CCDC102B: variants seen among roughly 807,000 people sequenced by gnomAD.
CCDC102B encodes the protein coiled-coil domain containing 102B, also known as coiled-coil domain-containing protein 102B.
Under a neutral mutation model 57.4 loss-of-function variants are expected in CCDC102B, and 75 were observed. The ratio of observed to expected loss-of-function variants is 1.31; its 90% CI spans 1.08 to 1.58. CCDC102B has a LOEUF of 1.58. Among genes scored for constraint, CCDC102B ranks in the 40% most tolerant of loss-of-function variants. The pLI is 0.00. For synonymous variants in CCDC102B, 206 were observed against 201.9 expected (o/e 1.02, Z -0.17); for missense variants, 636 against 582.6 (o/e 1.09, Z -0.94).
chr18:68,855,930 T>C (rs1374450565), intron 4 of CCDC102B, among the ~76,000 whole-genome samples: 1 of 152,188 alleles, frequency 6.6e-6, no homozygotes, highest in Non-Finnish European at 1.5e-5. Context: ...AATTTTTAAA[T>C]ATTATTTTTC....
At chr18:68,816,396 C>A (rs2036474112) in intron 1 of CCDC102B, among the ~76,000 whole-genome samples, 1 of 151,494 alleles carries the variant, frequency 6.6e-6, no homozygotes, top group Non-Finnish European at 1.5e-5. Flanking sequence ...TCTCCAAGAT[C>A]TCACACCTGT....
At chr18:68,852,640 A>G (rs1276857265) in intron 4 of CCDC102B, among the ~76,000 whole-genome samples, 2 of 152,078 alleles carry the variant, frequency 1.3e-5, no homozygotes, top group Non-Finnish European at 2.9e-5. Flanking sequence ...CTGATATTAG[A>G]TTGATTGAAT....
At chr18:68,784,886 T>G (rs1295942123) in intron 2 of CCDC102B, among the ~76,000 whole-genome samples, 1 of 152,052 alleles carries the variant, frequency 6.6e-6, no homozygotes, top group East Asian at 1.9e-4. Flanking sequence ...TGCAGGATAG[T>G]TACGTATGTA....
chr18:68,835,840 G>A (rs2037343305), intron 1 of CCDC102B, among the ~76,000 whole-genome samples: 1 of 152,124 alleles, frequency 6.6e-6, no homozygotes, highest in Non-Finnish European at 1.5e-5. Flanking sequence ...GTTCCTCATT[G>A]TGATGTTCTC....
intron 7 of CCDC102B, among the ~76,000 whole-genome samples, chr18:69,049,206 A>G (rs4891723): frequency 0.79 from 119,967 of 151,674 alleles, 51,026 homozygotes; most frequent in Non-Finnish European, 0.95. Flanking sequence ...CTACCCCCTG[A>G]CAGGCCCTGC....
chr18:68,923,019 T>A lies in CCDC102B; in HGVS notation c.1263+25591T>A, dbSNP rs537829167. On this transcript the variant is annotated intron_variant, in intron 6 of 7. Coordinates refer to ENST00000360242, the MANE Select transcript of CCDC102B (RefSeq NM_024781.3). ...TTTAGATGGCTTGCAATAAAAAAAA[T>A]TCAATATATTACATTGAATGGGTCA... Among the ~76,000 whole-genome samples, 6 of 152,156 alleles carry A rather than the reference T, an allele frequency of 3.9e-5. No individual in the cohort carries two copies. The East Asian group carries it at 1.2e-3, about 30-fold the overall frequency.
chr18:68,930,178 A>C (rs1310782854), intron 6 of CCDC102B, among the ~76,000 whole-genome samples: 2 of 150,080 alleles, frequency 1.3e-5, no homozygotes, highest in African/African-American at 4.9e-5. Flanking sequence ...AAAAGTATTC[A>C]AGATGTATAT....
At chr18:68,743,793 T>C (rs2033506787) in intron 2 of CCDC102B, among the ~76,000 whole-genome samples, 1 of 152,204 alleles carries the variant, frequency 6.6e-6, no homozygotes, top group Non-Finnish European at 1.5e-5. Context: ...TTGCAGCTGT[T>C]GAAAGAACTT....
chr18:68,941,079 A>ATTTTTT (rs756041379), intron 6 of CCDC102B, among the ~76,000 whole-genome samples: 1 of 144,216 alleles, frequency 6.9e-6, no homozygotes, highest in Non-Finnish European at 1.5e-5. Flanking sequence ...ACTATTTGCT[A>ATTTTTT]TTTATTTATT....
At chr18:68,847,658 A>G (rs1052781688) in intron 4 of CCDC102B, among the ~76,000 whole-genome samples, 7 of 151,848 alleles carry the variant, frequency 4.6e-5, no homozygotes, top group African/African-American at 1.7e-4. Flanking sequence ...AAAGTATGAC[A>G]TTATACAGTG....
chr18:68,781,049 T>C (rs1353905039), intron 2 of CCDC102B, among the ~76,000 whole-genome samples: 2 of 152,106 alleles, frequency 1.3e-5, no homozygotes, highest in Non-Finnish European at 1.5e-5. Flanking sequence ...TAATTAAGCA[T>C]AGATAAGCAT....
At chr18:69,049,144 AC>A (rs548367249) in intron 7 of CCDC102B, among the ~76,000 whole-genome samples, 94 of 151,934 alleles carry the variant, frequency 6.2e-4, no homozygotes, top group African/African-American at 2.0e-3. Flanking sequence ...GCACCCATCA[AC>A]CCGTCATCTA....
chr18:68,905,739 C>T (rs1389352790), intron 6 of CCDC102B, among the ~76,000 whole-genome samples: 2 of 144,044 alleles, frequency 1.4e-5, no homozygotes, highest in Non-Finnish European at 3.0e-5. Flanking sequence ...CGGGATATTT[C>T]ATATAAATAA....
At chr18:68,785,245 G>T (rs564922719) in intron 2 of CCDC102B, among the ~76,000 whole-genome samples, 212 of 151,928 alleles carry the variant, frequency 1.4e-3, no homozygotes, top group African/African-American at 5.0e-3. Flanking sequence ...CATTTGGGTT[G>T]GTTCCAAGTC....
chr18:68,943,846 C>G (rs571382082), intron 6 of CCDC102B, among the ~76,000 whole-genome samples: 1 of 152,178 alleles, frequency 6.6e-6, no homozygotes, highest in South Asian at 2.1e-4. Context: ...AACTCAAATG[C>G]AATAATTCTA....
At chr18:68,816,281 C>A (rs1465377584) in intron 1 of CCDC102B, among the ~76,000 whole-genome samples, 3 of 151,996 alleles carry the variant, frequency 2.0e-5, no homozygotes, top group Non-Finnish European at 4.4e-5. Context: ...CTACATTGTG[C>A]CTGGGGTATC....
At chr18:69,049,911 G>A (rs2052661791) in intron 7 of CCDC102B, among the ~76,000 whole-genome samples, 1 of 151,912 alleles carries the variant, frequency 6.6e-6, no homozygotes, top group Non-Finnish European at 1.5e-5. Context: ...CCTGGTTCAA[G>A]CAATTCTCCT....
chr18:68,854,743 G>A (rs1169299703), intron 4 of CCDC102B, among the ~76,000 whole-genome samples: 2 of 152,108 alleles, frequency 1.3e-5, no homozygotes, highest in African/African-American at 4.8e-5. Context: ...CTCTTAGTAA[G>A]AAGTGATCAG....
chr18:68,926,567 G>A (rs1282177512), intron 6 of CCDC102B, among the ~76,000 whole-genome samples: 1 of 151,796 alleles, frequency 6.6e-6, no homozygotes, highest in Non-Finnish European at 1.5e-5. Context: ...TTGTTCAATT[G>A]ACTTGAAGTT....
Sources: gnomAD v4.1 joint callset for allele counts (sites outside exome capture counted in the v4.1 genomes callset) on GRCh38, gnomAD v4.1.1 for gene constraint, MANE v1.5 for transcripts, NCBI Gene and HGNC (gene_info 2026-07-23, HGNC 2026-07-21) for gene names.